The following CHODL variants were observed in gnomAD, a reference collection of about 807,000 sequenced individuals.
The protein encoded by CHODL is chondrolectin.
Under a neutral mutation model 34.5 loss-of-function variants are expected in CHODL, and 29 were observed. That is an observed-to-expected ratio of 0.84 (90% CI 0.63 to 1.15). The LOEUF (loss-of-function observed/expected upper bound fraction) is 1.15, where lower values mean the gene tolerates loss of function less well. CHODL is among the 50% of genes most tolerant of loss of function. The pLI is 0.00. For synonymous variants in CHODL, 125 were observed against 116.1 expected (o/e 1.08, Z -0.49); for missense variants, 332 against 332.5 (o/e 1.00, Z 0.01).
intron 2 of CHODL, among the ~76,000 whole-genome samples, chr21:18,122,374 G>T (rs1017680650): frequency 6.6e-6 from 1 of 152,060 alleles, no homozygotes; most frequent in Non-Finnish European, 1.5e-5. Context: ...ATAAAATATG[G>T]CTTTTCTACT....
chr21:18,134,242 T>A, intron 2 of CHODL: 2 of 477,298 alleles, frequency 4.2e-6, no homozygotes, highest in South Asian at 3.0e-5. Flanking sequence ...GGTGTGCATA[T>A]GCCTCTGCCT....
At chr21:18,251,745 A>AATATATAAAATAAATATTTAT (rs2074258761) in intron 1 of CHODL, among the ~76,000 whole-genome samples, 10 of 136,704 alleles carry the variant, frequency 7.3e-5, no homozygotes, top group South Asian at 6.4e-4. Context: ...TATTTATTTT[A>AATATATAAAATAAATATTTAT]TTTATTTATT....
chr21:18,258,709 C>T (rs553925258), intron 3 of CHODL, among the ~76,000 whole-genome samples: 17 of 151,912 alleles, frequency 1.1e-4, no homozygotes, highest in Non-Finnish European at 2.1e-4. Context: ...AGCACATTCA[C>T]GGGTTTACTG....
intron 2 of CHODL, among the ~76,000 whole-genome samples, chr21:18,147,909 C>T (rs9974207): frequency 0.053 from 8,047 of 152,292 alleles, 575 homozygotes; most frequent in African/African-American, 0.17. Flanking sequence ...TTAAACCAGT[C>T]ACGCCAAGGG....
chr21:18,086,761 C>A (rs157052), intron 2 of CHODL, among the ~76,000 whole-genome samples: 61,712 of 151,946 alleles, frequency 0.41, 13,748 homozygotes, highest in Non-Finnish European at 0.51. Context: ...GTCTGTTTTT[C>A]GGCCCCAGAG....
chr21:18,254,401 A>G (rs1160875236), intron 1 of CHODL, among the ~76,000 whole-genome samples: 2 of 152,158 alleles, frequency 1.3e-5, no homozygotes, highest in Admixed American at 6.6e-5. Flanking sequence ...AAAATAGGGC[A>G]AGACTCAGAA....
At chr21:17,926,840 A>G (rs1055709563) in intron 1 of CHODL, among the ~76,000 whole-genome samples, 3 of 152,156 alleles carry the variant, frequency 2.0e-5, no homozygotes, top group Admixed American at 2.0e-4. Context: ...CTAAAGGCAA[A>G]TATTATAAAA....
rs549618792 is a variant in CHODL at position 18,138,892 on chromosome 21, T to G, written c.-45+110921T>G. ...TAGGAATATATCAAATAGGAGCTGATGTTTCATTTCTTGGAGCAGGGCACT... is the reference window on the plus strand; with the variant it reads ...TAGGAATATATCAAATAGGAGCTGAGGTTTCATTTCTTGGAGCAGGGCACT... On this transcript the variant is annotated intron_variant, in intron 2 of 6. Transcript: ENST00000400127. Among the ~76,000 whole-genome samples the G allele has an allele frequency of 1.8e-4, 28 of 152,284 alleles. 1 individual carries two copies. Among genetic ancestry groups the G allele is most frequent in the Admixed American group, 6.5e-4 (10 of 15,290 alleles).
chr21:18,142,353 C>T (rs942015780), intron 2 of CHODL, among the ~76,000 whole-genome samples: 4 of 152,238 alleles, frequency 2.6e-5, no homozygotes, highest in South Asian at 2.1e-4. Flanking sequence ...TGCTTTAATT[C>T]TGTGCCATCG....
At chr21:17,948,113 A>G (rs2063426866) in intron 1 of CHODL, among the ~76,000 whole-genome samples, 1 of 152,186 alleles carries the variant, frequency 6.6e-6, no homozygotes, top group South Asian at 2.1e-4. Context: ...AGACACAGAC[A>G]TACAGAGTGG....
chr21:18,200,297 A>G (rs2073637368), intron 2 of CHODL, among the ~76,000 whole-genome samples: 1 of 152,202 alleles, frequency 6.6e-6, no homozygotes, highest in Non-Finnish European at 1.5e-5. Flanking sequence ...TATACTGACA[A>G]AATGTATAAA....
intron 2 of CHODL, among the ~76,000 whole-genome samples, chr21:18,055,197 T>C (rs909703414): frequency 6.6e-6 from 1 of 151,974 alleles, no homozygotes; most frequent in African/African-American, 2.4e-5. Flanking sequence ...TTGGCAAATA[T>C]GTAACTGGAA....
chr21:17,993,930 C>A (rs2063823352), intron 1 of CHODL, among the ~76,000 whole-genome samples: 1 of 152,080 alleles, frequency 6.6e-6, no homozygotes, highest in African/African-American at 2.4e-5. Context: ...TGATCCTTTG[C>A]TTTTCTGTGG....
At chr21:18,181,959 A>C (rs961667035) in intron 2 of CHODL, among the ~76,000 whole-genome samples, 3 of 152,116 alleles carry the variant, frequency 2.0e-5, no homozygotes, top group Admixed American at 6.5e-5. Context: ...TTTTTAATCC[A>C]TTCTTCAGCT....
At chr21:18,199,822 G>T (rs1212651199) in intron 2 of CHODL, among the ~76,000 whole-genome samples, 1 of 152,064 alleles carries the variant, frequency 6.6e-6, no homozygotes, top group Non-Finnish European at 1.5e-5. Context: ...CCATCCTATG[G>T]ATATACCAGT....
chr21:18,232,951 A>T (rs1045631128), intron 2 of CHODL, among the ~76,000 whole-genome samples: 2 of 139,290 alleles, frequency 1.4e-5, no homozygotes, highest in Non-Finnish European at 3.0e-5. Context: ...TGATATATAT[A>T]TATATATATA....
intron 1 of CHODL, among the ~76,000 whole-genome samples, chr21:17,943,836 A>G (rs974705183): frequency 6.6e-6 from 1 of 152,282 alleles, no homozygotes; most frequent in African/African-American, 2.4e-5. Flanking sequence ...TAGCATTCCA[A>G]GGTACTTCTA....
chr21:18,003,384 A>G (rs1008151313), intron 1 of CHODL, among the ~76,000 whole-genome samples: 8 of 130,084 alleles, frequency 6.1e-5, no homozygotes, highest in African/African-American at 2.0e-4. Flanking sequence ...ATAATATATT[A>G]CATTATTTTA....
intron 1 of CHODL, among the ~76,000 whole-genome samples, 177 bp from the exon 2 acceptor site, chr21:18,256,332 T>G (rs182737819): frequency 3.4e-4 from 52 of 152,310 alleles, no homozygotes; most frequent in Admixed American, 1.4e-3. Flanking sequence ...GGAATAAATT[T>G]GCTTTTACAA....
Sources: allele counts gnomAD v4.1 joint callset (sites outside exome capture counted in the v4.1 genomes callset), GRCh38; gene constraint gnomAD v4.1.1; transcripts MANE v1.5; gene names NCBI Gene and HGNC (gene_info 2026-07-23, HGNC 2026-07-21).